The following NOMO3 variants were observed in gnomAD, a reference collection of about 807,000 sequenced individuals.
NOMO3 encodes the protein NODAL modulator 3, also known as BOS complex subunit NOMO3.
Under a neutral mutation model 69.9 loss-of-function variants are expected in NOMO3, and 15 were observed. The observed-to-expected ratio is 0.21, with a 90% CI of 0.14 to 0.33. The LOEUF (loss-of-function observed/expected upper bound fraction) is 0.33, where lower values mean the gene tolerates loss of function less well. Ranked by LOEUF, NOMO3 falls within the 10% of genes least tolerant of loss-of-function variation. NOMO3 has a pLI of 1.00. For missense variants in NOMO3, 218 were observed against 761.0 expected (o/e 0.29, Z 8.39); for synonymous variants, 89 against 301.9 (o/e 0.29, Z 7.31).
chr16:16,238,399 AT>A (rs1034909988), intron 2 of NOMO3, among the ~76,000 whole-genome samples: 4 of 132,462 alleles, frequency 3.0e-5, no homozygotes. Flanking sequence ...TGCCCAGCTA[AT>A]TTTTTTTGTA....
intron 8 of NOMO3, 98 bp from the exon 9 acceptor site, chr16:16,252,333 GTC>G (rs1407078363): frequency 7.7e-7 from 1 of 1,290,810 alleles, no homozygotes; most frequent in Non-Finnish European, 1.1e-6. Flanking sequence ...CTCTTGGTCT[GTC>G]TGAACCCCTT....
intron 2 of NOMO3, among the ~76,000 whole-genome samples, chr16:16,238,071 CAT>C (rs2049343840): frequency 7.3e-6 from 1 of 137,912 alleles, no homozygotes; most frequent in Non-Finnish European, 1.5e-5. Flanking sequence ...AGTCAATACA[CAT>C]AGTTTTGATT....
rs1446966829 is a variant in NOMO3, at chr16:16,243,573, A to G, written c.402+312A>G. 2.8e-5 allele frequency among the ~76,000 whole-genome samples: 4 copies of G among 141,432 alleles called. 1 individual carries two copies. Among genetic ancestry groups the G allele is most frequent in the African/African-American group, 1.2e-4 (4 of 34,292 alleles). 92.8% of individuals were successfully genotyped at this position (141,432 alleles called of 152,430 possible). A position where few individuals can be genotyped will look rare whatever the true frequency, so the allele number is the denominator to read the frequency against. On this transcript the variant is annotated intron_variant, in intron 4 of 30. Transcript: ENST00000399336. ...GCCCAGGCTGGAGTGCAGTGGTGCAATCTTGACTCACTGCAGCCTCCACCT... is the reference window on the plus strand; with the variant it reads ...GCCCAGGCTGGAGTGCAGTGGTGCAGTCTTGACTCACTGCAGCCTCCACCT...
rs755520519 is a variant in NOMO3, at chr16:16,263,121, C to G, written c.1443C>G (p.Pro481=). ...CCAGAGCAGGGCTGACGTTGAAACC[C>G]CAGACATTTCCTCTTACTGTGACCG... ...AETRAGLTLK[P]QTFPLTVTDR... is the part of the protein sequence containing the mutation. The change falls in exon 13 of 31, where the codon CCC becomes CCG. Residue 481 remains proline (P), a synonymous_variant. Coordinates refer to ENST00000399336, the MANE Select transcript of NOMO3 (RefSeq NM_001004067.4). 1.6e-5 allele frequency: 25 copies of G among 1,592,428 alleles called. 3 individuals are homozygous for G. Among genetic ancestry groups the G allele is most frequent in the Middle Eastern group, 3.3e-4 (2 of 6,014 alleles).
intron 16 of NOMO3, among the ~76,000 whole-genome samples, chr16:16,268,175 C>T (rs1229371121): frequency 2.8e-5 from 4 of 143,390 alleles, no homozygotes; most frequent in Admixed American, 6.8e-5. Flanking sequence ...TCCAGTTTGA[C>T]GCTGTTATGA....
chr16:16,255,793 A>T lies in NOMO3; in HGVS notation c.1037A>T (p.Glu346Val). The part of the protein sequence containing the change: ...LNGPEGDGVP[E>V]AVVTLNNQIK... ...GGACCCGAAGGAGATGGTGTTCCAG[A>T]AGCAGTAGTCACCCTGAATAACCAA... Residue 346 changes from glutamate (E) to valine (V), a missense_variant, in exon 10 of 31, where the codon GAA (glutamate) becomes GTA (valine). By Grantham distance (121) the Glu-to-Val change is moderately radical. Coordinates refer to ENST00000399336, the MANE Select transcript of NOMO3 (RefSeq NM_001004067.4). 6.4e-7 allele frequency: 1 copy of T among 1,569,162 alleles called. No homozygotes were observed. Among genetic ancestry groups the T allele is most frequent in the Non-Finnish European group, 8.6e-7 (1 of 1,167,456 alleles).
chr16:16,239,263 G>C (rs1391954595), intron 2 of NOMO3, among the ~76,000 whole-genome samples: 2 of 143,834 alleles, frequency 1.4e-5, no homozygotes, highest in African/African-American at 5.6e-5. Flanking sequence ...TGATCTTTCT[G>C]CCTCTTCCTC....
At chr16:16,238,302 G>A (rs1228055255) in intron 2 of NOMO3, among the ~76,000 whole-genome samples, 4 of 135,018 alleles carry the variant, frequency 3.0e-5, no homozygotes, top group Non-Finnish European at 4.6e-5. Context: ...GCGCGATCTC[G>A]GCTCACTGCA....
In NOMO3 at chr16:16,265,195, G is replaced by T. The variant is rs200540864; in HGVS notation, c.1806+16G>T. On this transcript the variant is annotated intron_variant, in intron 15 of 30. Coordinates refer to ENST00000399336, the MANE Select transcript of NOMO3 (RefSeq NM_001004067.4). ...CATCACTCTGGTATGTACGGCTTAT[G>T]GAGTCTCTTATTTGGAAAAGCGCTT... 9.2e-4 allele frequency: 1,457 copies of T among 1,586,310 alleles called. 200 individuals carry two copies. The African/African-American group carries it at 0.016, about 17-fold the overall frequency.
At chr16:16,266,785 C>T in intron 15 of NOMO3, 1 of 498,088 alleles carries the variant, frequency 2.0e-6, no homozygotes, top group Non-Finnish European at 3.5e-6. Flanking sequence ...CCTGTGAGAG[C>T]AGGAGCCATG....
Position 16,249,296 on chromosome 16 carries a change from C to T in NOMO3, c.583-1632C>T, listed in dbSNP as rs1169972453. On this transcript the variant is annotated intron_variant, in intron 6 of 30. Coordinates refer to ENST00000399336, the MANE Select transcript of NOMO3 (RefSeq NM_001004067.4). ...CAGCAACATTTAAAAATATTTTATT[C>T]GAGGCTGGGCGCAGTTGCTCATGCT... Among the ~76,000 whole-genome samples the T allele has an allele frequency of 4.4e-4, 64 of 145,250 alleles. 2 individuals are homozygous for T. The highest frequency in any genetic ancestry group is 8.1e-4 in the Non-Finnish European group (55 of 67,790).
rs552344411 is a variant in NOMO3, at chr16:16,263,425, C to T, written c.1538-88C>T. On this transcript the variant is annotated intron_variant, in intron 13 of 30. Coordinates refer to ENST00000399336, the MANE Select transcript of NOMO3 (RefSeq NM_001004067.4). ...CTGCCTCTTAGGAGCTCAGCAGTAG[C>T]AAGAAGCTATTACATAGGGTTAGGA... 27 of 1,295,754 alleles carry T rather than the reference C, an allele frequency of 2.1e-5. 5 individuals are homozygous for T. The African/African-American group carries it at 5.0e-4, about 24-fold the overall frequency. The allele number at this position is 1,295,754 out of a possible 1,614,324, so 80.3% of individuals were successfully genotyped here.
chr16:16,233,416 T>C (rs2049298124), intron 1 of NOMO3, among the ~76,000 whole-genome samples: 1 of 119,550 alleles, frequency 8.4e-6, no homozygotes, highest in African/African-American at 3.7e-5. Context: ...CCGGCTCCCC[T>C]CCACTTCTGA....
chr16:16,270,262 A>G (rs2049651979), intron 17 of NOMO3, 78 bp downstream of exon 17: 2 of 1,583,234 alleles, frequency 1.3e-6, no homozygotes, highest in Middle Eastern at 2.3e-4. Context: ...AGAGAACAAA[A>G]GGAGTTTTTC....
intron 4 of NOMO3, among the ~76,000 whole-genome samples, chr16:16,244,599 C>T (rs1387276659): frequency 2.6e-5 from 1 of 38,320 alleles, no homozygotes; most frequent in African/African-American, 1.5e-4. Flanking sequence ...CTTACTGCAA[C>T]CTCCGCCTCC....
At chr16:16,265,576 C>G (rs1466432030) in intron 15 of NOMO3, among the ~76,000 whole-genome samples, 2 of 125,174 alleles carry the variant, frequency 1.6e-5, no homozygotes, top group Non-Finnish European at 3.1e-5. Context: ...TTAAGTGAAC[C>G]CTCTTAGGTA....
intron 20 of NOMO3, among the ~76,000 whole-genome samples, 184 bp downstream of exon 20, chr16:16,274,259 T>A (rs1449356088): frequency 5.1e-5 from 6 of 117,376 alleles, no homozygotes; most frequent in Admixed American, 8.8e-5. Context: ...GATGGTTGGG[T>A]TGGATGGATG....
intron 6 of NOMO3, among the ~76,000 whole-genome samples, chr16:16,249,581 CAAAAA>C (rs771140259): frequency 4.0e-5 from 2 of 50,556 alleles, no homozygotes; most frequent in African/African-American, 9.8e-5. Flanking sequence ...GACTCCATCT[CAAAAA>C]AAAAAAAAAA....
In NOMO3 at chr16:16,265,216, C is replaced by T. The variant is rs746692562; in HGVS notation, c.1806+37C>T. ...TTATGGAGTCTCTTATTTGGAAAAG[C>T]GCTTGCCTTGTGGATGTCAAGAAAG... is the stretch of plus-strand genomic sequence containing the variant. On this transcript the variant is annotated intron_variant, in intron 15 of 30. Coordinates refer to ENST00000399336, the MANE Select transcript of NOMO3 (RefSeq NM_001004067.4). 26 of 1,588,568 alleles carry T rather than the reference C, an allele frequency of 1.6e-5. 2 individuals carry two copies. In the East Asian group the frequency reaches 2.5e-4, roughly 15 times the overall value.
Sources: allele counts gnomAD v4.1 joint callset (sites outside exome capture counted in the v4.1 genomes callset), GRCh38; gene constraint gnomAD v4.1.1; transcripts MANE v1.5; gene names NCBI Gene and HGNC (gene_info 2026-07-23, HGNC 2026-07-21).